Variants in AKAP13 observed in about 807,000 individuals in gnomAD.
AKAP13 encodes the protein A-kinase anchoring protein 13.
A neutral mutation model predicts 264.5 loss-of-function variants in AKAP13; 80 were observed. That is an observed-to-expected ratio of 0.30 (90% CI 0.25 to 0.36). The LOEUF (loss-of-function observed/expected upper bound fraction) is 0.36, where lower values mean the gene tolerates loss of function less well. Among genes scored for constraint, AKAP13 ranks in the 10% least tolerant of loss-of-function variants. The probability of loss-of-function intolerance (pLI) is 1.00; values close to 1 mark genes in which losing one functional copy is unlikely to be tolerated. For synonymous variants in AKAP13, 1,380 were observed against 1,250.2 expected, an observed-to-expected ratio of 1.10 and a Z score of -2.19; for missense variants, 3,712 against 3,435.2, an observed-to-expected ratio of 1.08 and a Z score of -2.01.
At chr15:85,672,592 C>T (rs904042432) in intron 14 of AKAP13, among the ~76,000 whole-genome samples, 5 of 152,098 alleles carry the variant, frequency 3.3e-5, no homozygotes, top group Admixed American at 2.0e-4. Flanking sequence ...TAAATAAAAT[C>T]CTCAGTGATT....
intron 1 of AKAP13, among the ~76,000 whole-genome samples, chr15:85,461,171 A>T (rs2074496594): frequency 6.6e-6 from 1 of 152,166 alleles, no homozygotes. Context: ...GCTGGAGTGC[A>T]GTGGCATGAT....
intron 1 of AKAP13, among the ~76,000 whole-genome samples, chr15:85,409,244 C>A (rs1240247420): frequency 6.6e-6 from 1 of 151,784 alleles, no homozygotes; most frequent in Non-Finnish European, 1.5e-5. Flanking sequence ...TAGGCACGAT[C>A]TCTGCTCACT....
chr15:85,457,213 G>C (rs778854928), intron 1 of AKAP13, among the ~76,000 whole-genome samples: 29 of 152,214 alleles, frequency 1.9e-4, no homozygotes, highest in Non-Finnish European at 7.3e-5. Flanking sequence ...TAAAATTCTA[G>C]TGTAGGTCTG....
intron 8 of AKAP13, among the ~76,000 whole-genome samples, chr15:85,591,011 C>G (rs1477490339): frequency 1.3e-5 from 2 of 152,120 alleles, no homozygotes; most frequent in Admixed American, 1.3e-4. Flanking sequence ...ATAAAAGCTT[C>G]AGGAATAGTT....
At chr15:85,570,588 A>G (rs932076695) in intron 5 of AKAP13, among the ~76,000 whole-genome samples, 1 of 152,246 alleles carries the variant, frequency 6.6e-6, no homozygotes, top group Non-Finnish European at 1.5e-5. Flanking sequence ...CAGTGCGTTC[A>G]GCAGGATTTC....
intron 1 of AKAP13, among the ~76,000 whole-genome samples, chr15:85,409,743 G>T (rs1182069298): frequency 6.7e-6 from 1 of 149,534 alleles, no homozygotes; most frequent in Non-Finnish European, 1.5e-5. Context: ...CCATTCTCCT[G>T]CGTCAGCCTC....
intron 1 of AKAP13, among the ~76,000 whole-genome samples, chr15:85,459,277 C>G (rs1286780259): frequency 6.6e-6 from 1 of 151,844 alleles, no homozygotes; most frequent in Admixed American, 6.6e-5. Context: ...CCTCTGCCTT[C>G]CGGGTTCAAA....
chr15:85,399,535 A>AAT (rs1330872907), intron 1 of AKAP13, among the ~76,000 whole-genome samples: 84 of 105,576 alleles, frequency 8.0e-4, no homozygotes, highest in African/African-American at 1.8e-3. Context: ...AAAAAATAAA[A>AAT]AAATAAATAA....
At chr15:85,437,059 T>C (rs2073340570) in intron 1 of AKAP13, among the ~76,000 whole-genome samples, 1 of 143,224 alleles carries the variant, frequency 7.0e-6, no homozygotes, top group Non-Finnish European at 1.5e-5. Flanking sequence ...TCAACAAAAT[T>C]GATAGACCAC....
intron 15 of AKAP13, among the ~76,000 whole-genome samples, chr15:85,684,188 A>G (rs1202813680): frequency 6.6e-6 from 1 of 152,220 alleles, no homozygotes; most frequent in Non-Finnish European, 1.5e-5. Flanking sequence ...GCTATTGTAG[A>G]TGAATAGATT....
At chr15:85,636,130 ATT>A (rs1366946251) in intron 8 of AKAP13, among the ~76,000 whole-genome samples, 2 of 152,206 alleles carry the variant, frequency 1.3e-5, no homozygotes, top group South Asian at 2.1e-4. Context: ...TCTTACTCAT[ATT>A]TTCTTAAAAT....
intron 14 of AKAP13, among the ~76,000 whole-genome samples, chr15:85,675,611 A>G (rs963830262): frequency 4.6e-5 from 7 of 152,198 alleles, no homozygotes; most frequent in African/African-American, 1.7e-4. Context: ...ACATTTACAG[A>G]TGAGAGCAAG....
At chr15:85,433,388 C>G (rs1171697362) in intron 1 of AKAP13, among the ~76,000 whole-genome samples, 1 of 152,122 alleles carries the variant, frequency 6.6e-6, no homozygotes, top group Non-Finnish European at 1.5e-5. Flanking sequence ...TTCCCATCAT[C>G]TAAGTATGGG....
chr15:85,537,269 A>G (rs1163538548), intron 4 of AKAP13, among the ~76,000 whole-genome samples: 1 of 152,080 alleles, frequency 6.6e-6, no homozygotes, highest in African/African-American at 2.4e-5. Context: ...GCACATAAAT[A>G]CTTTTAAATA....
chr15:85,411,415 C>G (rs934779174), intron 1 of AKAP13, among the ~76,000 whole-genome samples: 1 of 151,758 alleles, frequency 6.6e-6, no homozygotes, highest in Non-Finnish European at 1.5e-5. Context: ...GTAAAGCTCT[C>G]GTGTGATGGA....
At position 85,710,392 on chromosome 15, in the gene AKAP13, G is replaced by A. The variant is rs115043798; in HGVS notation, c.5533-187G>A. 1,116 of 518,936 alleles carry A rather than the reference G, an allele frequency of 2.2e-3. 16 individuals carry two copies. The highest frequency in any genetic ancestry group is 0.019 in the African/African-American group (999 of 51,822). 32.1% of individuals were successfully genotyped at this position (518,936 alleles called of 1,614,324 possible). ...TCCAGGCAGGATAGACAGCATCTACGGCATTGGAGTACGTGGCAGGCTTAG... is the reference window on the plus strand; with the variant it reads ...TCCAGGCAGGATAGACAGCATCTACAGCATTGGAGTACGTGGCAGGCTTAG... On this transcript the variant is annotated intron_variant, in intron 18 of 36. Transcript: ENST00000394518.
intron 10 of AKAP13, among the ~76,000 whole-genome samples, chr15:85,651,366 C>G (rs2082836833): frequency 1.3e-5 from 2 of 152,100 alleles, no homozygotes; most frequent in South Asian, 4.1e-4. Context: ...CCCAGTTTGC[C>G]TGAATTCTTT....
Position 85,727,228 on chromosome 15 carries a change from C to G in AKAP13, c.6985C>G (p.Gln2329Glu), listed in dbSNP as rs1444302131. 1.4e-5 allele frequency: 22 copies of G among 1,614,062 alleles called. No homozygotes were observed. The highest frequency in any genetic ancestry group is 1.7e-5 in the Admixed American group (1 of 60,010). The change falls in exon 28 of 37, where the codon CAG becomes GAG. Residue 2329 changes from glutamine to glutamate, a missense_variant. Physicochemically the swap from Gln to Glu is conservative, Grantham distance 29. Around this residue, in one of 3 missense-constraint regions of AKAP13, gnomAD observed 342 missense variants for 484.3 expected, o/e 0.71. Transcript: ENST00000394518. This position sits in a 1 kb window ranked among gnomAD's most constrained non-coding sequence, Gnocchi z 5.3. The stretch of plus-strand genomic sequence containing the variant: ...ACGAAACAGCTGGATTCAGATCATT[C>G]AGGACACAATCAACACCCTGTAAGT... ...EERNSWIQII[Q>E]DTINTLNRDE...
At chr15:85,563,956 T>G (rs2078509406) in intron 5 of AKAP13, among the ~76,000 whole-genome samples, 2 of 152,366 alleles carry the variant, frequency 1.3e-5, no homozygotes, top group South Asian at 4.1e-4. Flanking sequence ...GATTTTGAAC[T>G]GAGGTTTATC....
Sources: allele counts gnomAD v4.1 joint callset (sites outside exome capture counted in the v4.1 genomes callset), GRCh38; gene constraint gnomAD v4.1.1; regional missense constraint gnomAD v4.1.1; non-coding constraint Gnocchi (gnomAD v3.1); transcripts MANE v1.5; gene names NCBI Gene and HGNC (gene_info 2026-07-23, HGNC 2026-07-21).